Variants in FRMPD4 observed in about 807,000 individuals in gnomAD.
FRMPD4 encodes the protein FERM and PDZ domain containing 4.
In FRMPD4, 22 loss-of-function variants were observed where a neutral mutation model predicts 94.1. The observed-to-expected ratio is 0.23, with a 90% CI of 0.17 to 0.33. The LOEUF is 0.33. Among genes scored for constraint, FRMPD4 ranks in the 10% least tolerant of loss-of-function variants. The pLI is 1.00. For synonymous variants in FRMPD4, 631 were observed against 548.6 expected, an observed-to-expected ratio of 1.15 and a Z score of -2.10; for missense variants, 1,111 against 1,339.9, an observed-to-expected ratio of 0.83 and a Z score of 2.67.
At chrX:11,965,699 G>A (rs191335313) in intron 3 of FRMPD4, among the ~76,000 whole-genome samples, 1 of 111,883 alleles carries the variant, frequency 8.9e-6, no homozygotes, top group Non-Finnish European at 1.9e-5. Flanking sequence ...TTGTCAATAG[G>A]ACATGGTTCC....
rs1052782637 is a variant in FRMPD4, at chrX:12,138,794, G to T, written c.-178G>T. The T allele has an allele frequency of 4.1e-5, 15 of 362,923 alleles. No homozygotes were observed. Among genetic ancestry groups the T allele is most frequent in the Admixed American group, 2.9e-4 (6 of 20,528 alleles). 29.9% of individuals were successfully genotyped at this position (362,923 alleles called of 1,213,427 possible). ...TGCACACGCAGCTCGCGGCCGGAGGGGGGTAGCAGCCGCCGCCTCCAGGTG... is the reference window on the plus strand; with the variant it reads ...TGCACACGCAGCTCGCGGCCGGAGGTGGGTAGCAGCCGCCGCCTCCAGGTG... On this transcript the variant is annotated 5_prime_UTR_variant, in exon 1 of 17. Coordinates refer to ENST00000675598, the MANE Select transcript of FRMPD4 (RefSeq NM_001368397.1).
intron 1 of FRMPD4, among the ~76,000 whole-genome samples, chrX:12,164,572 G>A (rs367615535): frequency 2.7e-5 from 3 of 112,133 alleles, no homozygotes; most frequent in Non-Finnish European, 5.6e-5. Context: ...CAGTAATGGG[G>A]TGGCTGGGTC....
At chrX:12,262,651 T>C (rs1161168938) in intron 1 of FRMPD4, among the ~76,000 whole-genome samples, 1 of 112,113 alleles carries the variant, frequency 8.9e-6, no homozygotes, top group Non-Finnish European at 1.9e-5. Context: ...ATCATAATTA[T>C]CACTCTCAAT....
intron 2 of FRMPD4, among the ~76,000 whole-genome samples, chrX:12,564,330 C>T (rs908982062): frequency 1.2e-4 from 13 of 112,422 alleles, no homozygotes; most frequent in Non-Finnish European, 2.4e-4. Context: ...CCGCTTTAAA[C>T]ATTTATGTAA....
At chrX:12,327,618 CT>C (rs1452316467) in intron 1 of FRMPD4, among the ~76,000 whole-genome samples, 4 of 111,678 alleles carry the variant, frequency 3.6e-5, no homozygotes, top group African/African-American at 6.5e-5. Context: ...TGGTTATTTA[CT>C]GAATTTGTGG....
At chrX:12,424,729 T>G (rs182528456) in intron 1 of FRMPD4, among the ~76,000 whole-genome samples, 1 of 113,017 alleles carries the variant, frequency 8.8e-6, no homozygotes, top group African/African-American at 3.2e-5. Context: ...CTCCGGTCTC[T>G]CCATTTGGGA....
chrX:12,653,763 T>TTTTG (rs1312972025), intron 4 of FRMPD4, among the ~76,000 whole-genome samples: 16 of 109,196 alleles, frequency 1.5e-4, no homozygotes, highest in African/African-American at 4.2e-4. Flanking sequence ...AACCACTAAT[T>TTTTG]TTTGTTTGTT....
At chrX:11,825,747 C>T (rs1421481388) in intron 1 of FRMPD4, among the ~76,000 whole-genome samples, 3 of 112,025 alleles carry the variant, frequency 2.7e-5, no homozygotes, top group South Asian at 3.7e-4. Context: ...TCAATTTCCT[C>T]ATTTTGACAA....
upstream of FRMPD4, among the ~76,000 whole-genome samples, chrX:12,135,945 G>A (rs1000234316): frequency 2.7e-5 from 3 of 111,591 alleles, no homozygotes; most frequent in South Asian, 3.9e-4. Flanking sequence ...ATGAGGGAAC[G>A]TGTCGGTGGC....
intron 2 of FRMPD4, among the ~76,000 whole-genome samples, chrX:12,605,655 C>T (rs2059125530): frequency 1.8e-5 from 2 of 111,275 alleles, no homozygotes; most frequent in Admixed American, 9.5e-5. Context: ...TCCTTATCTG[C>T]GCCACTAGCC....
At chrX:12,143,313 G>C (rs5978486) in intron 1 of FRMPD4, among the ~76,000 whole-genome samples, 1 of 112,148 alleles carries the variant, frequency 8.9e-6, no homozygotes, top group Non-Finnish European at 1.9e-5. Context: ...GCAAAGAATG[G>C]TTTCTTTATT....
At chrX:12,329,742 A>G (rs1167190395) in intron 1 of FRMPD4, among the ~76,000 whole-genome samples, 2 of 108,474 alleles carry the variant, frequency 1.8e-5, no homozygotes, top group African/African-American at 6.7e-5. Flanking sequence ...GAAGCTTTCA[A>G]TGCAAGGGTG....
At chrX:12,243,873 G>A (rs1160717678) in intron 1 of FRMPD4, among the ~76,000 whole-genome samples, 1 of 85,715 alleles carries the variant, frequency 1.2e-5, no homozygotes, top group Non-Finnish European at 2.1e-5. Flanking sequence ...GTACAGAAGT[G>A]AGATCTTGAC....
chrX:12,011,828 G>T (rs2054581774), intron 3 of FRMPD4, among the ~76,000 whole-genome samples: 1 of 110,894 alleles, frequency 9.0e-6, no homozygotes, highest in Non-Finnish European at 1.9e-5. Context: ...GTGCTTTCAG[G>T]CAATTCTCAT....
chrX:12,293,218 G>A (rs1410857539), intron 1 of FRMPD4, among the ~76,000 whole-genome samples: 1 of 112,231 alleles, frequency 8.9e-6, no homozygotes, highest in Non-Finnish European at 1.9e-5. Context: ...GAATTATGTG[G>A]CAGAAATAGT....
At chrX:12,262,584 G>A (rs2054208345) in intron 1 of FRMPD4, among the ~76,000 whole-genome samples, 1 of 112,243 alleles carries the variant, frequency 8.9e-6, no homozygotes, top group African/African-American at 3.2e-5. Context: ...AAGTTAATAT[G>A]TGAATAACAT....
chrX:12,698,214 T>C (rs2060153049), intron 9 of FRMPD4, among the ~76,000 whole-genome samples: 1 of 111,963 alleles, frequency 8.9e-6, no homozygotes, highest in Non-Finnish European at 1.9e-5. Context: ...GAAGTTGCAA[T>C]AGTAATATCT....
intron 2 of FRMPD4, among the ~76,000 whole-genome samples, chrX:12,575,868 C>CT (rs1377207698): frequency 3.6e-5 from 4 of 111,966 alleles, no homozygotes; most frequent in Non-Finnish European, 7.5e-5. Flanking sequence ...AGGAAACAGA[C>CT]TCCCCCCTAG....
At chrX:12,651,446 A>G (rs1166992395) in intron 4 of FRMPD4, among the ~76,000 whole-genome samples, 1 of 108,887 alleles carries the variant, frequency 9.2e-6, no homozygotes, top group African/African-American at 3.4e-5. Context: ...CCCATCTATA[A>G]TTTGTCCTTA....
Sources: gnomAD v4.1 joint callset for allele counts (sites outside exome capture counted in the v4.1 genomes callset) on GRCh38, gnomAD v4.1.1 for gene constraint, MANE v1.5 for transcripts, NCBI Gene and HGNC (gene_info 2026-07-23, HGNC 2026-07-21) for gene names.